The following MTHFD1L variants were observed in gnomAD, a reference collection of about 807,000 sequenced individuals.
MTHFD1L encodes the protein monofunctional C1-tetrahydrofolate synthase, mitochondrial.
A neutral mutation model predicts 119.5 loss-of-function variants in MTHFD1L; 81 were observed. The observed-to-expected ratio is 0.68, with a 90% CI of 0.57 to 0.82. The LOEUF (loss-of-function observed/expected upper bound fraction) is 0.82, where lower values mean the gene tolerates loss of function less well. MTHFD1L is among the 40% of genes least tolerant of loss of function. The pLI is 0.00. For missense variants in MTHFD1L, 1,125 were observed against 1,253.4 expected (o/e 0.90, Z 1.55); for synonymous variants, 430 against 475.2 (o/e 0.90, Z 1.24).
intron 13 of MTHFD1L, among the ~76,000 whole-genome samples, chr6:150,943,939 C>A (rs1263812626): frequency 6.6e-6 from 1 of 152,000 alleles, no homozygotes; most frequent in Non-Finnish European, 1.5e-5. Context: ...ATACTGTTTT[C>A]TAGATAATAA....
At chr6:151,047,800 A>G (rs574968086) in intron 26 of MTHFD1L, among the ~76,000 whole-genome samples, 9 of 152,268 alleles carry the variant, frequency 5.9e-5, no homozygotes, top group African/African-American at 1.9e-4. Flanking sequence ...CCCATGCTGT[A>G]TTGGTCTGTT....
In MTHFD1L at chr6:150,945,560, AT is replaced by A. The variant is rs746162599; in HGVS notation, c.1623+21del. 3 of 1,604,598 alleles carry A rather than the reference AT, an allele frequency of 1.9e-6. No individual in the cohort carries two copies. The South Asian group carries it at 3.4e-5, about 18-fold the overall frequency. ...GCTAAAAGTAAGTTTCCAGTTAGCA[AT>A]TCTTTAAAAAGAAAATATCGTAGAA... On this transcript the variant is annotated intron_variant, in intron 15 of 27. Transcript: ENST00000367321.
chr6:150,970,904 A>C (rs942212346), intron 19 of MTHFD1L, among the ~76,000 whole-genome samples: 4 of 152,142 alleles, frequency 2.6e-5, no homozygotes, highest in Non-Finnish European at 1.5e-5. Flanking sequence ...ATCTTGACTT[A>C]ATTATTAATT....
chr6:150,916,458 G>T (rs548845866), intron 8 of MTHFD1L, among the ~76,000 whole-genome samples: 12 of 120,908 alleles, frequency 9.9e-5, no homozygotes, highest in African/African-American at 3.6e-4. Flanking sequence ...GCACCACCAC[G>T]CCCAGCTAAT....
intron 8 of MTHFD1L, among the ~76,000 whole-genome samples, chr6:150,913,716 G>A (rs1256045323): frequency 1.3e-5 from 2 of 152,138 alleles, no homozygotes; most frequent in African/African-American, 4.8e-5. Flanking sequence ...GTTTTTGGTC[G>A]AGTCTGGTGG....
intron 9 of MTHFD1L, 31 bp downstream of exon 9, chr6:150,918,699 G>A: frequency 6.4e-7 from 1 of 1,572,324 alleles, no homozygotes. Context: ...TGAGAATCTT[G>A]AGTTTGGAAG....
intron 1 of MTHFD1L, among the ~76,000 whole-genome samples, chr6:150,871,128 C>T (rs1421508719): frequency 7.1e-6 from 1 of 140,534 alleles, no homozygotes; most frequent in Non-Finnish European, 1.5e-5. Flanking sequence ...TAATATATAT[C>T]TTAATATATA....
At chr6:150,955,187 C>T (rs1372594935) in intron 16 of MTHFD1L, among the ~76,000 whole-genome samples, 1 of 152,164 alleles carries the variant, frequency 6.6e-6, no homozygotes, top group Non-Finnish European at 1.5e-5. Context: ...TTACTCCCCT[C>T]TTCTGCCCCT....
chr6:151,045,905 G>A (rs1432918323), intron 26 of MTHFD1L, among the ~76,000 whole-genome samples: 3 of 152,344 alleles, frequency 2.0e-5, no homozygotes, highest in Middle Eastern at 3.4e-3. Context: ...GTCCCATAGG[G>A]AAGGAGTCAT....
At chr6:151,077,689 AAAAT>A (rs757857248) in intron 26 of MTHFD1L, among the ~76,000 whole-genome samples, 2 of 151,386 alleles carry the variant, frequency 1.3e-5, no homozygotes, top group African/African-American at 4.9e-5. Flanking sequence ...TTAAAAGAAA[AAAAT>A]AAATAAAAGT....
At chr6:151,017,833 T>TTTTTTC (rs1478148301) in intron 24 of MTHFD1L, among the ~76,000 whole-genome samples, 1 of 143,596 alleles carries the variant, frequency 7.0e-6, no homozygotes, top group African/African-American at 2.6e-5. Context: ...GTGTTTTCTT[T>TTTTTTC]TTTTTTTTTT....
chr6:150,994,026 CAGTT>C lies in MTHFD1L; in HGVS notation c.2126-15790_2126-15787del, dbSNP rs902532657. Among the ~76,000 whole-genome samples the C allele has an allele frequency of 5.1e-4, 57 of 112,088 alleles. 2 individuals are homozygous for C. The highest frequency in any genetic ancestry group is 2.1e-3 in the African/African-American group (52 of 24,598). The allele number at this position is 112,088 out of a possible 152,430, so 73.5% of individuals were successfully genotyped here. ...GTAGTCTCTGTATTTGCAAATGAGT[CAGTT>C]AGGATTAGTTTTACCCACAAATAAC... On this transcript the variant is annotated intron_variant, in intron 20 of 27. Transcript: ENST00000367321.
intron 26 of MTHFD1L, among the ~76,000 whole-genome samples, chr6:151,048,051 G>A (rs548425062): frequency 2.6e-5 from 4 of 152,118 alleles, no homozygotes; most frequent in South Asian, 2.1e-4. Flanking sequence ...TCACTATCAC[G>A]AGAACAACAA....
intron 20 of MTHFD1L, among the ~76,000 whole-genome samples, chr6:150,994,095 A>AAGAAGAAAG (rs1554273941): frequency 2.1e-5 from 3 of 143,794 alleles, no homozygotes; most frequent in Non-Finnish European, 4.5e-5. Flanking sequence ...GAAAGAAAGA[A>AAGAAGAAAG]AGTGACCCAG....
rs1785836316 is a variant in MTHFD1L at position 150,905,976 on chromosome 6, A to C, written c.892+215A>C. Among the ~76,000 whole-genome samples the C allele has an allele frequency of 2.6e-5, 4 of 152,208 alleles. No individual in the cohort carries two copies. In the South Asian group the frequency reaches 8.3e-4, roughly 32 times the overall value. Reference sequence around the variant, plus strand: ...GTTGAGGTGTCTGCTCCCACAGTGAAGTGCCCCCTACTGGCCTCTAGCAGT... The same window carrying C: ...GTTGAGGTGTCTGCTCCCACAGTGACGTGCCCCCTACTGGCCTCTAGCAGT... On this transcript the variant is annotated intron_variant, in intron 8 of 27. Coordinates refer to ENST00000367321, the MANE Select transcript of MTHFD1L (RefSeq NM_015440.5).
chr6:150,954,295 T>G (rs1349677439), intron 16 of MTHFD1L, among the ~76,000 whole-genome samples: 1 of 152,244 alleles, frequency 6.6e-6, no homozygotes, highest in South Asian at 2.1e-4. Context: ...ATTAACAAAG[T>G]CAGTGTACTG....
chr6:151,064,896 G>A (rs1791067156), intron 26 of MTHFD1L, among the ~76,000 whole-genome samples: 2 of 151,538 alleles, frequency 1.3e-5, no homozygotes, highest in South Asian at 4.2e-4. Context: ...TCCACCTCCT[G>A]GGTTCAAGTG....
At chr6:151,057,873 GGC>G (rs754034597) in intron 26 of MTHFD1L, among the ~76,000 whole-genome samples, 3 of 152,180 alleles carry the variant, frequency 2.0e-5, no homozygotes, top group Non-Finnish European at 2.9e-5. Context: ...CCGCCTCCCA[GGC>G]TCAAGTGATT....
At chr6:151,002,630 G>C (rs1584056984) in intron 20 of MTHFD1L, among the ~76,000 whole-genome samples, 1 of 152,150 alleles carries the variant, frequency 6.6e-6, no homozygotes, top group South Asian at 2.1e-4. Context: ...GGGTTGTAGC[G>C]ACCATACTGT....
Sources: allele counts gnomAD v4.1 joint callset (sites outside exome capture counted in the v4.1 genomes callset), GRCh38; gene constraint gnomAD v4.1.1; transcripts MANE v1.5; gene names NCBI Gene and HGNC (gene_info 2026-07-23, HGNC 2026-07-21).